MRPS18B: variants seen among roughly 807,000 people sequenced by gnomAD.
MRPS18B encodes the protein mitochondrial ribosomal protein S18B.
MRPS18B carries 27 observed loss-of-function variants against 28.4 expected under a neutral mutation model. That is an observed-to-expected ratio of 0.95 (90% CI 0.70 to 1.31). The LOEUF (loss-of-function observed/expected upper bound fraction) is 1.31. MRPS18B is among the 40% of genes most tolerant of loss of function. The pLI is 0.00. For synonymous variants in MRPS18B, 118 were observed against 123.7 expected (o/e 0.95, Z 0.30); for missense variants, 343 against 335.9 (o/e 1.02, Z -0.17).
At chr6:30,617,973 C>A (rs1314602239) in intron 1 of MRPS18B, 30 bp downstream of exon 1, 2 of 1,612,388 alleles carry the variant, frequency 1.2e-6, no homozygotes, top group Admixed American at 1.7e-5. Context: ...TTTGCACAAC[C>A]TCAAGTTGGT....
At position 30,619,943 on chromosome 6, in the gene MRPS18B, A is replaced by G. The variant is rs568564911; in HGVS notation, c.308A>G (p.Asn103Ser). ...CAGCGTCGGAATAAAGTTGTTGGGA[A>G]TCCCTGCCCCATCTGTCGAGATCAC... is the stretch of plus-strand genomic sequence containing the variant. Reference protein sequence around the residue: ...TCIRRNKVVGNPCPICRDHKL... With the variant: ...TCIRRNKVVGSPCPICRDHKL... The change falls in exon 4 of 7, where the codon AAT becomes AGT. Residue 103 changes from asparagine (N) to serine (S), a missense_variant. By Grantham distance (46) the Asn-to-Ser change is conservative. Coordinates refer to ENST00000259873, the MANE Select transcript of MRPS18B (RefSeq NM_014046.4). The G allele has an allele frequency of 3.7e-5, 59 of 1,614,212 alleles. No homozygotes were observed. The highest frequency in any genetic ancestry group is 5.0e-5 in the Admixed American group (3 of 60,020).
chr6:30,618,917 A>AT (rs58866298), intron 1 of MRPS18B, among the ~76,000 whole-genome samples: 6,617 of 151,162 alleles, frequency 0.044, 260 homozygotes, highest in African/African-American at 0.11. Context: ...TATGTACTAG[A>AT]TTTTTTTTTC....
rs1333919245 is a variant in MRPS18B, at chr6:30,625,565, G to A, written c.545G>A (p.Gly182Glu). ...PRDLDFSTSH[G>E]AVSATPPAPT... ...GACCTTGACTTCAGTACCTCTCATG[G>A]GGCTGTGAGTGCTACTCCGCCAGCC... is the stretch of plus-strand genomic sequence containing the variant. The change falls in exon 7 of 7, where the codon GGG becomes GAG. Residue 182 changes from glycine to glutamate, a missense_variant. Transcript: ENST00000259873. 1.9e-6 allele frequency: 3 copies of A among 1,606,128 alleles called. No individual in the cohort carries two copies. In the South Asian group the frequency reaches 3.3e-5, roughly 18 times the overall value.
chr6:30,618,049 CT>C, intron 1 of MRPS18B, 106 bp downstream of exon 1: 1 of 1,185,908 alleles, frequency 8.4e-7, no homozygotes, highest in Non-Finnish European at 1.2e-6. Flanking sequence ...CCACGTGTGT[CT>C]TAGCTGTCTA....
rs763529541 is a variant in MRPS18B, at chr6:30,625,776, A to G, written c.756A>G (p.Thr252=). 1.1e-5 allele frequency: 17 copies of G among 1,611,388 alleles called. No individual in the cohort carries two copies. The South Asian group carries it at 1.4e-4, about 14-fold the overall frequency. ...CGGAAGCCTCCTCCACTGGGCAGACAGGCCCTCAGAGTGCTCTGTAGGAGC... is the reference window on the plus strand; with the variant it reads ...CGGAAGCCTCCTCCACTGGGCAGACGGGCCCTCAGAGTGCTCTGTAGGAGC... The part of the protein sequence containing the change: ...TPAEASSTGQ[T]GPQSAL Residue 252 remains threonine, a synonymous_variant, in exon 7 of 7, where the codon ACA becomes ACG. Coordinates refer to ENST00000259873, the MANE Select transcript of MRPS18B (RefSeq NM_014046.4).
At chr6:30,623,727 T>C (rs866309542) in intron 5 of MRPS18B, among the ~76,000 whole-genome samples, 37 of 152,232 alleles carry the variant, frequency 2.4e-4, no homozygotes, top group Middle Eastern at 6.8e-3. Flanking sequence ...CAGAAAAATT[T>C]TGCTAACCCC....
At chr6:30,624,843 T>C in intron 5 of MRPS18B, 40 bp from the exon 6 acceptor site, 1 of 1,606,940 alleles carries the variant, frequency 6.2e-7, no homozygotes, top group Non-Finnish European at 8.5e-7. Context: ...GTTCTATTAT[T>C]TACTGTGCCT....
rs778603898 is a variant in MRPS18B, at chr6:30,619,946, C to T, written c.311C>T (p.Pro104Leu). 33 of 1,614,040 alleles carry T rather than the reference C, an allele frequency of 2.0e-5. No homozygotes were observed. The highest frequency in any genetic ancestry group is 2.7e-5 in the Non-Finnish European group (32 of 1,179,980). ...CIRRNKVVGNPCPICRDHKLH... is the reference protein window; with the variant it reads ...CIRRNKVVGNLCPICRDHKLH... ...CGTCGGAATAAAGTTGTTGGGAATC[C>T]CTGCCCCATCTGTCGAGATCACAAG... Residue 104 changes from proline to leucine, a missense_variant, in exon 4 of 7, where the codon CCC becomes CTC. Physicochemically the swap from Pro to Leu is moderately conservative, Grantham distance 98. Transcript: ENST00000259873.
At chr6:30,618,942 G>A (rs1490528526) in intron 1 of MRPS18B, among the ~76,000 whole-genome samples, 1 of 151,102 alleles carries the variant, frequency 6.6e-6, no homozygotes, top group African/African-American at 2.4e-5. Flanking sequence ...TTCTTTACAC[G>A]AAATCTCACT....
In MRPS18B at chr6:30,625,712, C is replaced by G; in HGVS notation, c.692C>G (p.Pro231Arg). 1 of 1,613,096 alleles carries G rather than the reference C, an allele frequency of 6.2e-7. No homozygotes were observed. The highest frequency in any genetic ancestry group is 8.5e-7 in the Non-Finnish European group (1 of 1,180,028). Residue 231 changes from proline (P) to arginine (R), a missense_variant, in exon 7 of 7, where the codon CCA (proline) becomes CGA (arginine). Pro to Arg is a moderately radical substitution (Grantham distance 103). Coordinates refer to ENST00000259873, the MANE Select transcript of MRPS18B (RefSeq NM_014046.4). ...QGHLQEESGPPPESMPKMPPR... is the reference protein window; with the variant it reads ...QGHLQEESGPRPESMPKMPPR... Reference sequence around the variant, plus strand: ...CATCTCCAAGAAGAGAGTGGCCCCCCACCTGAGTCAATGCCCAAGATGCCC... The same window carrying G: ...CATCTCCAAGAAGAGAGTGGCCCCCGACCTGAGTCAATGCCCAAGATGCCC...
chr6:30,621,987 T>TGA (rs112681062), intron 4 of MRPS18B, among the ~76,000 whole-genome samples: 1 of 151,868 alleles, frequency 6.6e-6, no homozygotes, highest in Non-Finnish European at 1.5e-5. Context: ...ATTACATAAC[T>TGA]GAGAGAGAGA....
At chr6:30,620,612 A>C (rs951873430) in intron 4 of MRPS18B, among the ~76,000 whole-genome samples, 1 of 151,168 alleles carries the variant, frequency 6.6e-6, no homozygotes, top group South Asian at 2.1e-4. Flanking sequence ...CTCTGTTGCC[A>C]AGGCTGGAGT....
chr6:30,620,896 C>G (rs962144897), intron 4 of MRPS18B, among the ~76,000 whole-genome samples: 1 of 152,158 alleles, frequency 6.6e-6, no homozygotes, highest in Non-Finnish European at 1.5e-5. Flanking sequence ...AGTGGGAGAG[C>G]CAATATCCAA....
chr6:30,624,410 C>G (rs1046329558), intron 5 of MRPS18B, among the ~76,000 whole-genome samples: 3 of 152,142 alleles, frequency 2.0e-5, no homozygotes. Context: ...AGAGAATAAT[C>G]TGAATTCACC....
Position 30,625,741 on chromosome 6 carries a change from A to G in MRPS18B, c.721A>G (p.Arg241Gly). ...PPESMPKMPP[R>G]TPAEASSTGQ... Reference sequence around the variant, plus strand: ...TGAGTCAATGCCCAAGATGCCCCCTAGAACACCAGCGGAAGCCTCCTCCAC... The same window carrying G: ...TGAGTCAATGCCCAAGATGCCCCCTGGAACACCAGCGGAAGCCTCCTCCAC... Residue 241 changes from arginine (R) to glycine (G), a missense_variant, in exon 7 of 7, where the codon AGA becomes GGA. By Grantham distance (125) the Arg-to-Gly change is moderately radical. Transcript: ENST00000259873. 1.2e-6 allele frequency: 2 copies of G among 1,613,026 alleles called. 1 individual carries two copies. Among genetic ancestry groups the G allele is most frequent in the South Asian group, 2.2e-5 (2 of 91,084 alleles).
chr6:30,625,484 T>C lies in MRPS18B; in HGVS notation c.482-18T>C. 6.6e-7 allele frequency: 1 copy of C among 1,513,344 alleles called. No individual in the cohort carries two copies. The highest frequency in any genetic ancestry group is 1.3e-5 in the South Asian group (1 of 76,218). 93.7% of individuals were successfully genotyped at this position (1,513,344 alleles called of 1,614,324 possible). ...TCCTCATTGCCTCTTAAATTTCTTT[T>C]CTTTTTTAATCCCTTAGGTCTCCTC... On this transcript the variant is annotated intron_variant, in intron 6 of 6. Transcript: ENST00000259873.
intron 5 of MRPS18B, 122 bp from the exon 6 acceptor site, chr6:30,624,761 A>G: frequency 9.9e-7 from 1 of 1,014,150 alleles, no homozygotes; most frequent in African/African-American, 1.6e-5. Context: ...TGGAGGGGTC[A>G]GGGGAAAGGG....
intron 5 of MRPS18B, among the ~76,000 whole-genome samples, chr6:30,624,127 T>C (rs1418557096): frequency 1.3e-5 from 2 of 151,262 alleles, no homozygotes; most frequent in African/African-American, 2.4e-5. Context: ...TCATTTACTC[T>C]GTCACCCAAG....
rs1230123775 is a variant in MRPS18B, at chr6:30,617,921, TC to T, written c.58del (p.Arg20GlufsTer101). ...VLRRLPMLSLFRGSHRVQVPL... is the reference protein window; with the variant it reads ...VLRRLPMLSLXRGSHRVQVPL... ...AGGCGGCTTCCTATGCTATCTCTCT[TC>T]CGAGGTTCTCACAGAGTTCAGGTAA... On this transcript the variant is annotated frameshift_variant, in exon 1 of 7. Transcript: ENST00000259873. LOFTEE classifies it high-confidence loss of function. 5.6e-6 allele frequency: 9 copies of T among 1,614,164 alleles called. No individual in the cohort carries two copies. The highest frequency in any genetic ancestry group is 7.6e-6 in the Non-Finnish European group (9 of 1,180,036).
Sources: allele counts gnomAD v4.1 joint callset (sites outside exome capture counted in the v4.1 genomes callset), GRCh38; gene constraint gnomAD v4.1.1; transcripts MANE v1.5; gene names NCBI Gene and HGNC (gene_info 2026-07-23, HGNC 2026-07-21).